Variants in TRABD2B observed in about 807,000 individuals in gnomAD.
TRABD2B encodes the protein TraB domain containing 2B, also known as metalloprotease TIKI2.
In TRABD2B, 14 loss-of-function variants were observed where a neutral mutation model predicts 40.1. That is an observed-to-expected ratio of 0.35 (90% CI 0.23 to 0.55). The LOEUF (loss-of-function observed/expected upper bound fraction) is 0.55. TRABD2B is among the 20% of genes least tolerant of loss of function. The pLI is 0.90. For synonymous variants in TRABD2B, 263 were observed against 277.0 expected, an observed-to-expected ratio of 0.95 and a Z score of 0.50; for missense variants, 541 against 648.6, an observed-to-expected ratio of 0.83 and a Z score of 1.80.
chr1:47,771,126 C>A (rs1387634975), intron 6 of TRABD2B, among the ~76,000 whole-genome samples: 1 of 152,176 alleles, frequency 6.6e-6, no homozygotes, highest in African/African-American at 2.4e-5. Flanking sequence ...CCTGTCCTCA[C>A]CTGGAGACTC....
intron 2 of TRABD2B, among the ~76,000 whole-genome samples, chr1:47,989,841 G>A (rs1392200359): frequency 6.6e-6 from 1 of 151,982 alleles, no homozygotes; most frequent in Non-Finnish European, 1.5e-5. Flanking sequence ...TCAGACACTG[G>A]GAAAGCAGGG....
At chr1:47,908,004 A>G (rs973483497) in intron 2 of TRABD2B, among the ~76,000 whole-genome samples, 2 of 152,164 alleles carry the variant, frequency 1.3e-5, no homozygotes, top group Middle Eastern at 3.2e-3. Context: ...TTCTCATTAA[A>G]AAGTAACCTG....
At chr1:47,909,575 AGGAG>A in intron 2 of TRABD2B, among the ~76,000 whole-genome samples, 1 of 140,722 alleles carries the variant, frequency 7.1e-6, no homozygotes, top group Non-Finnish European at 1.6e-5. Flanking sequence ...GAGGAGGAGG[AGGAG>A]GAGGAGGAGG....
At chr1:47,991,266 A>G (rs1646007373) in intron 2 of TRABD2B, among the ~76,000 whole-genome samples, 1 of 152,160 alleles carries the variant, frequency 6.6e-6, no homozygotes, top group Admixed American at 6.5e-5. Flanking sequence ...AATTCAATGC[A>G]GTGGAAAAGC....
chr1:47,770,342 G>A (rs940585482), intron 6 of TRABD2B, among the ~76,000 whole-genome samples: 1 of 152,150 alleles, frequency 6.6e-6, no homozygotes, highest in South Asian at 2.1e-4. Context: ...GTTTGCCTGC[G>A]GCTCTGGGTA....
intron 2 of TRABD2B, among the ~76,000 whole-genome samples, chr1:47,879,511 T>C (rs1168066534): frequency 6.6e-6 from 1 of 152,212 alleles, no homozygotes; most frequent in Non-Finnish European, 1.5e-5. Flanking sequence ...TCTAGGTTTG[T>C]GCAAGTACAC....
At chr1:47,983,734 A>G (rs1427481652) in intron 2 of TRABD2B, among the ~76,000 whole-genome samples, 2 of 143,766 alleles carry the variant, frequency 1.4e-5, no homozygotes, top group Non-Finnish European at 3.0e-5. Context: ...TTCTGAGCTC[A>G]GTAACCACAC....
chr1:47,878,540 A>G (rs921147364), intron 2 of TRABD2B, among the ~76,000 whole-genome samples: 4 of 152,190 alleles, frequency 2.6e-5, no homozygotes, highest in Non-Finnish European at 5.9e-5. Flanking sequence ...CTACGCATAC[A>G]TCATTCTCTC....
chr1:47,948,770 T>C (rs1645296497), intron 2 of TRABD2B, among the ~76,000 whole-genome samples: 1 of 152,174 alleles, frequency 6.6e-6, no homozygotes, highest in African/African-American at 2.4e-5. Flanking sequence ...TCCTTCAAAA[T>C]TTCAAGATGT....
intron 2 of TRABD2B, among the ~76,000 whole-genome samples, chr1:47,845,663 T>G (rs1477413436): frequency 6.6e-6 from 1 of 152,194 alleles, no homozygotes; most frequent in East Asian, 1.9e-4. Context: ...TGCAGCAAAT[T>G]CATTATAGAG....
intron 2 of TRABD2B, among the ~76,000 whole-genome samples, chr1:47,914,100 C>T (rs1359567598): frequency 6.6e-6 from 1 of 152,268 alleles, no homozygotes; most frequent in African/African-American, 2.4e-5. Flanking sequence ...TTCCCAAACA[C>T]ACCATAAGGC....
intron 2 of TRABD2B, among the ~76,000 whole-genome samples, chr1:47,893,433 G>A (rs1445461666): frequency 1.3e-5 from 2 of 152,104 alleles, no homozygotes; most frequent in Non-Finnish European, 2.9e-5. Context: ...ATACCATCTG[G>A]GGGATGTTGA....
chr1:47,844,975 A>G (rs1232546234), intron 2 of TRABD2B, among the ~76,000 whole-genome samples: 1 of 152,106 alleles, frequency 6.6e-6, no homozygotes, highest in Non-Finnish European at 1.5e-5. Context: ...AGGGCAGGAG[A>G]TCCTCCAGCA....
At chr1:47,855,234 T>C (rs575842148) in intron 2 of TRABD2B, among the ~76,000 whole-genome samples, 4 of 152,358 alleles carry the variant, frequency 2.6e-5, no homozygotes, top group African/African-American at 9.6e-5. Context: ...TATATTTGTT[T>C]CCCATATTTT....
At chr1:47,935,144 T>A (rs1305527435) in intron 2 of TRABD2B, among the ~76,000 whole-genome samples, 3 of 152,166 alleles carry the variant, frequency 2.0e-5, no homozygotes, top group Non-Finnish European at 4.4e-5. Context: ...CACACCATAA[T>A]CATAATTACA....
chr1:47,973,946 A>G (rs1284240592), intron 2 of TRABD2B, among the ~76,000 whole-genome samples: 1 of 152,146 alleles, frequency 6.6e-6, no homozygotes, highest in Non-Finnish European at 1.5e-5. Flanking sequence ...ACTACAAAAA[A>G]TACAAAAATT....
chr1:47,778,411 G>T (rs750454215), intron 5 of TRABD2B, 43 bp downstream of exon 5: 2 of 1,407,246 alleles, frequency 1.4e-6, no homozygotes, highest in South Asian at 2.5e-5. Flanking sequence ...TGGGCAGGAA[G>T]GCAGGGTCAG....
intron 2 of TRABD2B, among the ~76,000 whole-genome samples, chr1:47,914,327 G>A (rs1418867011): frequency 6.6e-6 from 1 of 152,230 alleles, no homozygotes; most frequent in African/African-American, 2.4e-5. Context: ...ACCTGAAACC[G>A]CTCACAAGCA....
In TRABD2B at chr1:47,762,118, G is replaced by A. The variant is rs1644250324; in HGVS notation, c.*3784C>T. On this transcript the variant is annotated 3_prime_UTR_variant, in exon 7 of 7. Coordinates refer to ENST00000606738, the MANE Select transcript of TRABD2B (RefSeq NM_001194986.2). The stretch of plus-strand genomic sequence containing the variant: ...GTGCTATCTGTGTTGATCCTCAATG[G>A]ATGAGCAGTTACAGGGGAGAGAAGG... 1 of 152,208 alleles carries A rather than the reference G, an allele frequency of 6.6e-6. No individual in the cohort carries two copies. The highest frequency in any genetic ancestry group is 1.5e-5 in the Non-Finnish European group (1 of 68,076). 9.4% of individuals were successfully genotyped at this position (152,208 alleles called of 1,614,324 possible).
Sources: gnomAD v4.1 joint callset for allele counts (sites outside exome capture counted in the v4.1 genomes callset) on GRCh38, gnomAD v4.1.1 for gene constraint, MANE v1.5 for transcripts, NCBI Gene and HGNC (gene_info 2026-07-23, HGNC 2026-07-21) for gene names.